The following INVS variants were observed in gnomAD, a reference collection of about 807,000 sequenced individuals.
INVS encodes the protein inversin, also known as inversion of embryo turning homolog.
In INVS, 86 loss-of-function variants were observed where a neutral mutation model predicts 108.8. The observed-to-expected ratio is 0.79, with a 90% CI of 0.66 to 0.95. The LOEUF (loss-of-function observed/expected upper bound fraction) is 0.95. INVS is among the 40% of genes least tolerant of loss of function. The pLI, the probability that INVS is intolerant of heterozygous loss-of-function variation, is 0.00. For missense variants in INVS, 1,169 were observed against 1,297.4 expected, an observed-to-expected ratio of 0.90 and a Z score of 1.52; for synonymous variants, 455 against 473.5, an observed-to-expected ratio of 0.96 and a Z score of 0.51.
intron 3 of INVS, among the ~76,000 whole-genome samples, chr9:100,143,107 G>T (rs1828485817): frequency 6.6e-6 from 1 of 152,168 alleles, no homozygotes; most frequent in East Asian, 1.9e-4. Flanking sequence ...ATGGGTGTCA[G>T]GGTCAGTACA....
At chr9:100,139,950 C>A (rs777731194) in intron 3 of INVS, among the ~76,000 whole-genome samples, 2 of 152,156 alleles carry the variant, frequency 1.3e-5, no homozygotes, top group African/African-American at 2.4e-5. Flanking sequence ...GACAAAATAA[C>A]CACTTTAAAG....
chr9:100,236,394 C>T (rs1831687801), intron 5 of INVS, among the ~76,000 whole-genome samples: 2 of 152,156 alleles, frequency 1.3e-5, no homozygotes, highest in African/African-American at 4.8e-5. Flanking sequence ...TTTTTGTTCC[C>T]TTGCTGGCAA....
At chr9:100,114,207 A>G (rs1336810670) in intron 2 of INVS, among the ~76,000 whole-genome samples, 1 of 152,104 alleles carries the variant, frequency 6.6e-6, no homozygotes, top group African/African-American at 2.4e-5. Flanking sequence ...CAAGATAAAG[A>G]ACAATTCTAT....
chr9:100,265,066 C>T (rs1434341145), intron 11 of INVS, 138 bp downstream of exon 11: 2 of 679,088 alleles, frequency 2.9e-6, no homozygotes, highest in East Asian at 2.7e-5. Context: ...CTTCAGCCTC[C>T]TGAGTACCTG....
At chr9:100,221,075 G>T (rs1379692978) in intron 3 of INVS, among the ~76,000 whole-genome samples, 3 of 151,928 alleles carry the variant, frequency 2.0e-5, no homozygotes, top group Non-Finnish European at 2.9e-5. Context: ...AAGAAATACC[G>T]AGGAAGTATT....
chr9:100,147,492 T>C (rs929587009), intron 3 of INVS, among the ~76,000 whole-genome samples: 1 of 152,244 alleles, frequency 6.6e-6, no homozygotes, highest in African/African-American at 2.4e-5. Context: ...TGCCTCATTG[T>C]GTTGGTGAGG....
chr9:100,215,931 A>G (rs1588094787), intron 3 of INVS, among the ~76,000 whole-genome samples: 3 of 152,192 alleles, frequency 2.0e-5, no homozygotes, highest in South Asian at 2.1e-4. Context: ...CATGAAAAAC[A>G]TACCTTTTAC....
intron 3 of INVS, among the ~76,000 whole-genome samples, chr9:100,193,036 T>G (rs1369928414): frequency 2.0e-5 from 3 of 150,756 alleles, no homozygotes; most frequent in Admixed American, 6.6e-5. Flanking sequence ...TGAAGTGCAG[T>G]GGTAGAAGCA....
intron 10 of INVS, among the ~76,000 whole-genome samples, chr9:100,254,349 T>C (rs540413870): frequency 6.6e-6 from 1 of 152,212 alleles, no homozygotes; most frequent in African/African-American, 2.4e-5. Context: ...TGTAAAAATT[T>C]TCTCCAGTTT....
Position 100,104,597 on chromosome 9 carries a change from G to T in INVS, c.76G>T (p.Asp26Tyr). The T allele has an allele frequency of 6.2e-7, 1 of 1,613,966 alleles. No individual in the cohort carries two copies. The highest frequency in any genetic ancestry group is 8.5e-7 in the Non-Finnish European group (1 of 1,179,842). The change falls in exon 2 of 17, where the codon GAT becomes TAT. Residue 26 changes from aspartate to tyrosine, a missense_variant. Transcript: ENST00000262457. ...SQVHAAAVNG[D>Y]KGALQRLIVG... ...AGTCCATGCTGCTGCCGTTAATGGA[G>T]ATAAGGGTGCTCTACAGAGGCTCAT...
chr9:100,187,544 T>TTTTTTTTTTTTTTTA (rs1830090471), intron 3 of INVS, among the ~76,000 whole-genome samples: 1 of 147,896 alleles, frequency 6.8e-6, no homozygotes, highest in African/African-American at 2.5e-5. Context: ...TTTTTTTTTT[T>TTTTTTTTTTTTTTTA]GAGACAAAGT....
intron 1 of INVS, among the ~76,000 whole-genome samples, chr9:100,103,315 T>C (rs1827062971): frequency 6.6e-6 from 1 of 152,084 alleles, no homozygotes; most frequent in Admixed American, 6.5e-5. Context: ...CATGCCACCA[T>C]GCTCAGCTAA....
intron 3 of INVS, among the ~76,000 whole-genome samples, chr9:100,151,364 A>C (rs1401537459): frequency 6.6e-6 from 1 of 152,120 alleles, no homozygotes; most frequent in Non-Finnish European, 1.5e-5. Context: ...CTGTGGTCCT[A>C]GCCACTCAGG....
At chr9:100,169,048 A>G (rs1445418097) in intron 3 of INVS, among the ~76,000 whole-genome samples, 2 of 152,212 alleles carry the variant, frequency 1.3e-5, no homozygotes, top group Non-Finnish European at 2.9e-5. Flanking sequence ...AATAGAAAAA[A>G]TAAGTGAGAC....
At chr9:100,152,548 T>C (rs1025547695) in intron 3 of INVS, among the ~76,000 whole-genome samples, 1 of 152,224 alleles carries the variant, frequency 6.6e-6, no homozygotes, top group Non-Finnish European at 1.5e-5. Context: ...AAATTTTGTA[T>C]AATCTATCAG....
At chr9:100,126,326 T>C in intron 2 of INVS, 57 bp from the exon 3 acceptor site, 1 of 1,344,282 alleles carries the variant, frequency 7.4e-7, no homozygotes, top group Non-Finnish European at 1.1e-6. Flanking sequence ...ATATAGTTCC[T>C]ACTTATATTA....
chr9:100,135,990 C>T (rs576307693), intron 3 of INVS, among the ~76,000 whole-genome samples: 2 of 151,866 alleles, frequency 1.3e-5, no homozygotes, highest in Admixed American at 1.3e-4. Flanking sequence ...AGGTTTCAAG[C>T]AGAAGAGGAT....
At chr9:100,117,707 C>A in intron 2 of INVS, 1 of 576,874 alleles carries the variant, frequency 1.7e-6, no homozygotes, top group Non-Finnish European at 3.1e-6. Context: ...GTTTATGATA[C>A]GTTTTGAGGT....
intron 14 of INVS, 126 bp from the exon 15 acceptor site, chr9:100,296,790 TG>T (rs1300651018): frequency 4.0e-6 from 3 of 740,784 alleles, no homozygotes; most frequent in Non-Finnish European, 7.1e-6. Context: ...AAATTAGGAA[TG>T]GGAGCTTGAA....
Sources: allele counts gnomAD v4.1 joint callset (sites outside exome capture counted in the v4.1 genomes callset), GRCh38; gene constraint gnomAD v4.1.1; transcripts MANE v1.5; gene names NCBI Gene and HGNC (gene_info 2026-07-23, HGNC 2026-07-21).